The following LAMA1 variants were observed in gnomAD, a reference collection of about 807,000 sequenced individuals.
LAMA1 encodes laminin subunit alpha-1.
In LAMA1, 219 loss-of-function variants were observed where a neutral mutation model predicts 348.7. The ratio of observed to expected loss-of-function variants is 0.63; its 90% CI spans 0.56 to 0.70. The LOEUF (loss-of-function observed/expected upper bound fraction) is 0.70, where lower values mean the gene tolerates loss of function less well. Among genes scored for constraint, LAMA1 ranks in the 30% least tolerant of loss-of-function variants. LAMA1 has a pLI of 0.00. For synonymous variants in LAMA1, 1,487 were observed against 1,491.0 expected (o/e 1.00, Z 0.06); for missense variants, 3,744 against 3,888.0 (o/e 0.96, Z 0.99).
chr18:6,952,317 G>A (rs963752204), intron 57 of LAMA1, among the ~76,000 whole-genome samples: 3 of 152,186 alleles, frequency 2.0e-5, no homozygotes, highest in African/African-American at 4.8e-5. Context: ...CAGGGGTCTC[G>A]AGTAACTCTC....
intron 16 of LAMA1, among the ~76,000 whole-genome samples, chr18:7,030,597 A>G (rs1281140063): frequency 1.3e-5 from 2 of 152,194 alleles, no homozygotes; most frequent in African/African-American, 2.4e-5. Flanking sequence ...AACTCTCTGT[A>G]CTTCTGTAAC....
At chr18:6,963,465 G>A (rs190611226) in intron 51 of LAMA1, among the ~76,000 whole-genome samples, 107 of 152,300 alleles carry the variant, frequency 7.0e-4, no homozygotes, top group Non-Finnish European at 1.3e-3. Flanking sequence ...ATCAGGAGGC[G>A]GCTGTGGTTG....
intron 1 of LAMA1, among the ~76,000 whole-genome samples, chr18:7,087,450 C>T (rs2143795654): frequency 6.6e-6 from 1 of 152,324 alleles, no homozygotes; most frequent in Admixed American, 6.5e-5. Context: ...TGGAGGATGG[C>T]TTTGCTTCCA....
chr18:7,025,949 C>T (rs749309332), intron 17 of LAMA1, 30 bp downstream of exon 17: 119 of 1,592,802 alleles, frequency 7.5e-5, no homozygotes, highest in Non-Finnish European at 9.6e-5. Flanking sequence ...GCCATGCTGG[C>T]AGGAACCGCT....
At chr18:6,999,284 G>T (rs1218171562) in intron 32 of LAMA1, among the ~76,000 whole-genome samples, 161 bp downstream of exon 32, 1 of 152,186 alleles carries the variant, frequency 6.6e-6, no homozygotes, top group African/African-American at 2.4e-5. Context: ...GAAAGGTTCA[G>T]TTCAGCAGAT....
intron 47 of LAMA1, 165 bp from the exon 48 acceptor site, chr18:6,972,146 C>CAGTT: frequency 1.4e-6 from 1 of 712,982 alleles, no homozygotes; most frequent in South Asian, 1.7e-5. Context: ...GATTTCCTTT[C>CAGTT]AGTTATGAAG....
Position 6,997,886 on chromosome 18 carries a change from TACAAG to T in LAMA1, c.4664-7_4664-3del. On this transcript the variant is annotated splice_polypyrimidine_tract_variant and splice_region_variant and intron_variant, in intron 32 of 62. Coordinates refer to ENST00000389658, the MANE Select transcript of LAMA1 (RefSeq NM_005559.4). The stretch of plus-strand genomic sequence containing the variant: ...CACCTACACACTCATCATCACAGGC[TACAAG>T]ACAAATTTTTAAAAAGGAGAGTTAA... 6.2e-7 allele frequency: 1 copy of T among 1,613,998 alleles called. No individual in the cohort carries two copies. The highest frequency in any genetic ancestry group is 8.5e-7 in the Non-Finnish European group (1 of 1,180,004).
rs2144116248 is a variant in LAMA1 at position 7,011,397 on chromosome 18, T to G, written c.3590A>C (p.Gln1197Pro). Residue 1197 changes from glutamine (Q) to proline (P), a missense_variant, in exon 25 of 63, where the codon CAG becomes CCG. Around this residue, in one of 3 missense-constraint regions of LAMA1, gnomAD observed 1,529 missense variants for 1,689.4 expected, o/e 0.91. Coordinates refer to ENST00000389658, the MANE Select transcript of LAMA1 (RefSeq NM_005559.4). The part of the protein sequence containing the change: ...LRGTTEGVYY[Q>P]APDFLLDAAT... ...GGCATCCAGCAGGAAGTCGGGGGCCTGGTAGTAAACCCCCTCGGTCGTGCC... is the reference window on the plus strand; with the variant it reads ...GGCATCCAGCAGGAAGTCGGGGGCCGGGTAGTAAACCCCCTCGGTCGTGCC... The G allele has an allele frequency of 6.2e-7, 1 of 1,610,734 alleles. No homozygotes were observed. The highest frequency in any genetic ancestry group is 2.2e-5 in the East Asian group (1 of 44,768).
At chr18:7,102,443 T>C (rs916445711) in intron 1 of LAMA1, among the ~76,000 whole-genome samples, 1 of 151,980 alleles carries the variant, frequency 6.6e-6, no homozygotes, top group Non-Finnish European at 1.5e-5. Context: ...ACCTCTACTA[T>C]ACGTAAAAAT....
chr18:7,037,279 T>C (rs184966197), intron 12 of LAMA1, among the ~76,000 whole-genome samples: 71 of 152,264 alleles, frequency 4.7e-4, no homozygotes, highest in African/African-American at 1.7e-3. Flanking sequence ...GAACACTTCA[T>C]AAACAAGTGA....
chr18:7,006,621 C>T (rs1406311857), intron 29 of LAMA1, among the ~76,000 whole-genome samples: 1 of 152,088 alleles, frequency 6.6e-6, no homozygotes, highest in African/African-American at 2.4e-5. Context: ...ACGGTGTGAA[C>T]GTCATAGAGT....
intron 34 of LAMA1, among the ~76,000 whole-genome samples, chr18:6,994,585 T>C (rs1299502292): frequency 6.6e-6 from 1 of 152,026 alleles, no homozygotes; most frequent in Non-Finnish European, 1.5e-5. Context: ...GGAGCCAAAC[T>C]ATACTTCCTA....
chr18:6,944,877 A>G (rs2057515147), intron 61 of LAMA1, among the ~76,000 whole-genome samples: 1 of 152,164 alleles, frequency 6.6e-6, no homozygotes, highest in Non-Finnish European at 1.5e-5. Context: ...GCTCAGTATT[A>G]TTTCTAGGTG....
intron 3 of LAMA1, among the ~76,000 whole-genome samples, chr18:7,064,152 T>C (rs1244888235): frequency 1.3e-5 from 2 of 151,818 alleles, no homozygotes; most frequent in African/African-American, 4.9e-5. Context: ...TTGTGTATTG[T>C]GGATTTTTTT....
intron 1 of LAMA1, among the ~76,000 whole-genome samples, chr18:7,085,622 G>A (rs903941512): frequency 2.0e-5 from 3 of 151,868 alleles, no homozygotes; most frequent in Non-Finnish European, 4.4e-5. Flanking sequence ...GTTTCACCAC[G>A]TTAGCCAGGA....
intron 3 of LAMA1, among the ~76,000 whole-genome samples, chr18:7,077,254 T>C (rs1175767888): frequency 6.8e-6 from 1 of 146,430 alleles, no homozygotes; most frequent in South Asian, 2.2e-4. Context: ...CAGGCTGGAG[T>C]GCAGTGGTGC....
At position 7,023,279 on chromosome 18, in the gene LAMA1, G is replaced by A. The variant is rs1323837065; in HGVS notation, c.2586C>T (p.His862=). Reference sequence around the variant, plus strand: ...GGCACTCCCCGGTGACTGAGTCACAGTGACCAGCCTCCGAGGGGTCCACGT... The same window carrying A: ...GGCACTCCCCGGTGACTGAGTCACAATGACCAGCCTCCGAGGGGTCCACGT... ...SGNVDPSEAG[H]CDSVTGECLK... Residue 862 remains histidine, a synonymous_variant, in exon 19 of 63, where the codon CAC becomes CAT. Transcript: ENST00000389658. The A allele has an allele frequency of 1.9e-6, 3 of 1,614,148 alleles. No individual in the cohort carries two copies. The highest frequency in any genetic ancestry group is 1.7e-5 in the Admixed American group (1 of 60,022).
At position 7,009,997 on chromosome 18, in the gene LAMA1, G is replaced by A. The variant is rs111455558; in HGVS notation, c.3873+203C>T. ...AATTTTTATATTTTTAGTAGAGACG[G>A]GGATTCATCATGTTGGACAGGCTGG... On this transcript the variant is annotated intron_variant, in intron 26 of 62. Transcript: ENST00000389658. Among the ~76,000 whole-genome samples, 795 of 152,120 alleles carry A rather than the reference G, an allele frequency of 5.2e-3. 12 individuals are homozygous for A. The highest frequency in any genetic ancestry group is 0.018 in the African/African-American group (728 of 41,502).
chr18:7,115,814 C>CAAAACAAAAAAAAAAAAAAAAAA (rs58813825), intron 1 of LAMA1, among the ~76,000 whole-genome samples: 2 of 94,822 alleles, frequency 2.1e-5, no homozygotes, highest in Non-Finnish European at 4.3e-5. Flanking sequence ...ACTAAAAATA[C>CAAAACAAAAAAAAAAAAAAAAAA]AAAAAAAAAA....
Sources: gnomAD v4.1 joint callset for allele counts (sites outside exome capture counted in the v4.1 genomes callset) on GRCh38, gnomAD v4.1.1 for gene constraint, gnomAD v4.1.1 regional missense constraint, MANE v1.5 for transcripts, NCBI Gene and HGNC (gene_info 2026-07-23, HGNC 2026-07-21) for gene names.